EDIL3: variants seen among roughly 807,000 people sequenced by gnomAD.
EDIL3 encodes EGF like and discoidin domains 3, also known as EGF-like repeat and discoidin I-like domain-containing protein 3.
In EDIL3, 37 loss-of-function variants were observed where a neutral mutation model predicts 67.4. The ratio of observed to expected loss-of-function variants is 0.55; its 90% confidence interval spans 0.42 to 0.72. The LOEUF is 0.72. EDIL3 is among the 30% of genes least tolerant of loss of function. The pLI is 0.00. For missense variants in EDIL3, 527 were observed against 586.3 expected, an observed-to-expected ratio of 0.90 and a Z score of 1.04; for synonymous variants, 195 against 196.3, an observed-to-expected ratio of 0.99 and a Z score of 0.05.
intron 3 of EDIL3, among the ~76,000 whole-genome samples, chr5:84,212,515 C>A (rs931540024): frequency 2.0e-5 from 3 of 152,182 alleles, no homozygotes; most frequent in African/African-American, 7.2e-5. Context: ...AGAATGGAAT[C>A]CTTCCCAGTC....
intron 9 of EDIL3, among the ~76,000 whole-genome samples, chr5:84,041,012 C>A (rs1293233884): frequency 6.6e-6 from 1 of 151,826 alleles, no homozygotes; most frequent in Non-Finnish European, 1.5e-5. Context: ...GTGCCTGTGG[C>A]CCCAGCTACC....
chr5:84,213,252 T>C (rs920358359), intron 3 of EDIL3, among the ~76,000 whole-genome samples: 2 of 152,110 alleles, frequency 1.3e-5, no homozygotes, highest in East Asian at 1.9e-4. Context: ...TGTGTTAAGA[T>C]AGGCAAAGAT....
chr5:84,093,467 C>T (rs1225462791), intron 6 of EDIL3, among the ~76,000 whole-genome samples: 1 of 151,996 alleles, frequency 6.6e-6, no homozygotes, highest in African/African-American at 2.4e-5. Flanking sequence ...GATTACTTCA[C>T]AGAGAAGGGA....
Position 84,180,498 on chromosome 5 carries a change from G to A in EDIL3, c.250C>T (p.His84Tyr), listed in dbSNP as rs377186598. 1 of 1,605,370 alleles carries A rather than the reference G, an allele frequency of 6.2e-7. No individual in the cohort carries two copies. Among genetic ancestry groups the A allele is most frequent in the African/African-American group, 1.3e-5 (1 of 74,570 alleles). ...CTTATTTCACAGGTTCCTCCATTAT[G>A]GCATGGATTAGGAGTGCAGGGACCT... ...SAGPCTPNPC[H>Y]NGGTCEISEA... Residue 84 changes from histidine (H) to tyrosine (Y), a missense_variant, in exon 4 of 11, where the codon CAT becomes TAT. Around this residue, in one of 2 missense-constraint regions of EDIL3, gnomAD observed 494 missense variants for 522.5 expected, o/e 0.95. Coordinates refer to ENST00000296591, the MANE Select transcript of EDIL3 (RefSeq NM_005711.5).
At chr5:84,029,132 C>G (rs1032471391) in intron 9 of EDIL3, among the ~76,000 whole-genome samples, 12 of 152,236 alleles carry the variant, frequency 7.9e-5, no homozygotes, top group East Asian at 1.9e-4. Flanking sequence ...TGGCAGGTGC[C>G]TGTAGTCCCA....
At chr5:84,002,522 T>C (rs982614686) in intron 9 of EDIL3, among the ~76,000 whole-genome samples, 1 of 152,224 alleles carries the variant, frequency 6.6e-6, no homozygotes, top group African/African-American at 2.4e-5. Context: ...TGATATGTTA[T>C]TTTTGGAAAA....
chr5:84,173,023 G>A (rs1748839235), intron 4 of EDIL3, among the ~76,000 whole-genome samples: 1 of 152,152 alleles, frequency 6.6e-6, no homozygotes, highest in Non-Finnish European at 1.5e-5. Flanking sequence ...GTAAACAGAG[G>A]TCCAGCATGA....
chr5:84,058,976 C>T (rs571365128), intron 9 of EDIL3, among the ~76,000 whole-genome samples: 36 of 152,038 alleles, frequency 2.4e-4, no homozygotes, highest in African/African-American at 8.4e-4. Context: ...ACATTATTAC[C>T]TATAGCATGT....
intron 5 of EDIL3, among the ~76,000 whole-genome samples, chr5:84,110,763 A>G (rs1747548297): frequency 6.6e-6 from 1 of 152,224 alleles, no homozygotes; most frequent in Non-Finnish European, 1.5e-5. Flanking sequence ...TCCTTCTGCT[A>G]TATTATGTGA....
intron 1 of EDIL3, among the ~76,000 whole-genome samples, chr5:84,315,485 A>T (rs1746490233): frequency 6.6e-6 from 1 of 152,216 alleles, no homozygotes; most frequent in Non-Finnish European, 1.5e-5. Context: ...CAGTCATGCT[A>T]AAAATTTTTT....
chr5:84,182,137 A>T (rs184383853), intron 3 of EDIL3, among the ~76,000 whole-genome samples: 102 of 152,146 alleles, frequency 6.7e-4, no homozygotes, highest in African/African-American at 2.3e-3. Flanking sequence ...GCCACTAATA[A>T]AAACAAGAGC....
chr5:84,134,543 T>C (rs1360493006), intron 5 of EDIL3, among the ~76,000 whole-genome samples: 2 of 152,158 alleles, frequency 1.3e-5, no homozygotes, highest in African/African-American at 4.8e-5. Context: ...CTGTAGGTGC[T>C]TATATGTACC....
intron 1 of EDIL3, among the ~76,000 whole-genome samples, chr5:84,254,476 A>T (rs181798994): frequency 5.3e-5 from 8 of 152,324 alleles, no homozygotes; most frequent in Admixed American, 4.6e-4. Flanking sequence ...ATAATATGTA[A>T]AGAGAATGTT....
At chr5:84,065,218 G>A (rs1746616629) in intron 7 of EDIL3, among the ~76,000 whole-genome samples, 1 of 152,050 alleles carries the variant, frequency 6.6e-6, no homozygotes, top group African/African-American at 2.4e-5. Flanking sequence ...TCATACTTTT[G>A]GGGGTAGAAT....
At chr5:84,035,014 T>C (rs965604650) in intron 9 of EDIL3, among the ~76,000 whole-genome samples, 1 of 152,164 alleles carries the variant, frequency 6.6e-6, no homozygotes, top group Non-Finnish European at 1.5e-5. Context: ...TTTTTTGTCA[T>C]AGACTGTAAG....
At chr5:84,346,138 T>TTC (rs1458382363) in intron 1 of EDIL3, among the ~76,000 whole-genome samples, 1 of 146,426 alleles carries the variant, frequency 6.8e-6, no homozygotes, top group Non-Finnish European at 1.5e-5. Context: ...TTTTTTTCTT[T>TTC]TTTTTTTTTT....
chr5:84,066,709 T>C, intron 6 of EDIL3, 103 bp from the exon 7 acceptor site: 2 of 1,404,062 alleles, frequency 1.4e-6, no homozygotes, highest in South Asian at 1.4e-5. Flanking sequence ...AGATTAATAA[T>C]AACATAAAAA....
intron 3 of EDIL3, among the ~76,000 whole-genome samples, chr5:84,181,678 G>A (rs1162645329): frequency 6.6e-6 from 1 of 152,082 alleles, no homozygotes; most frequent in Non-Finnish European, 1.5e-5. Flanking sequence ...TCTTCCTGCA[G>A]GATGTTAATT....
chr5:84,040,422 T>C (rs1746099214), intron 9 of EDIL3, among the ~76,000 whole-genome samples: 1 of 151,712 alleles, frequency 6.6e-6, no homozygotes, highest in Admixed American at 6.6e-5. Context: ...GAATATCTGT[T>C]ATTGTGTTAC....
Sources: gnomAD v4.1 joint callset for allele counts (sites outside exome capture counted in the v4.1 genomes callset) on GRCh38, gnomAD v4.1.1 for gene constraint, gnomAD v4.1.1 regional missense constraint, MANE v1.5 for transcripts, NCBI Gene and HGNC (gene_info 2026-07-23, HGNC 2026-07-21) for gene names.